Variants in RUNX1 observed in about 807,000 individuals in gnomAD.
RUNX1 encodes the protein RUNX family transcription factor 1, also known as runt-related transcription factor 1.
RUNX1 carries 19 observed loss-of-function variants against 42.8 expected under a neutral mutation model. The ratio of observed to expected loss-of-function variants is 0.44; its 90% CI spans 0.31 to 0.65. The LOEUF is 0.65. RUNX1 is among the 30% of genes least tolerant of loss of function. The pLI, the probability that RUNX1 is intolerant of heterozygous loss-of-function variation, is 0.07. For synonymous variants in RUNX1, 271 were observed against 289.4 expected, an observed-to-expected ratio of 0.94 and a Z score of 0.64; for missense variants, 528 against 672.0, an observed-to-expected ratio of 0.79 and a Z score of 2.37.
rs758151076 is a variant in RUNX1, at chr21:34,907,360, T to C, written c.59-14397A>G. ...ATAGATTGGTTGTTAATAATAATAA[T>C]AACAAAAGCAAGGTAAGAAGAAGAA... On this transcript the variant is annotated intron_variant, in intron 2 of 8. Coordinates refer to ENST00000675419, the MANE Select transcript of RUNX1 (RefSeq NM_001754.5). The surrounding 1 kb of genome is among the most constrained non-coding windows in gnomAD (Gnocchi z 5.3). 3.9e-5 allele frequency among the ~76,000 whole-genome samples: 6 copies of C among 152,058 alleles called. No homozygotes were observed. Among genetic ancestry groups the C allele is most frequent in the Admixed American group, 6.5e-5 (1 of 15,272 alleles).
intron 7 of RUNX1, among the ~76,000 whole-genome samples, chr21:34,818,855 C>G (rs541635432): frequency 2.0e-5 from 3 of 152,230 alleles, no homozygotes; most frequent in Non-Finnish European, 4.4e-5. Flanking sequence ...CAGAGGCACA[C>G]GGGTGTTTGT....
intron 5 of RUNX1, among the ~76,000 whole-genome samples, chr21:34,871,329 T>G (rs2057734279): frequency 6.6e-6 from 1 of 151,426 alleles, no homozygotes; most frequent in Admixed American, 6.6e-5. Context: ...ACAGATTACA[T>G]GACACACAAG....
intron 2 of RUNX1, among the ~76,000 whole-genome samples, chr21:35,041,196 G>A (rs2059356745): frequency 1.3e-5 from 2 of 152,228 alleles, no homozygotes; most frequent in African/African-American, 4.8e-5. Context: ...TTGGATGTTG[G>A]CAAAGAAAGC....
intron 2 of RUNX1, among the ~76,000 whole-genome samples, chr21:34,910,524 T>C (rs73373771): frequency 0.088 from 13,370 of 152,228 alleles, 1,057 homozygotes; most frequent in African/African-American, 0.22. Flanking sequence ...TTGTCCTCTC[T>C]GTCACCAGCC....
rs1405091659 is a variant in RUNX1, at chr21:34,789,702, G to C, written c.*2433C>G. ...AAACAATTAAATACTATATATGCTGGTAAGAGTCTGTGAAACTCTAAATGA... is the reference window on the plus strand; with the variant it reads ...AAACAATTAAATACTATATATGCTGCTAAGAGTCTGTGAAACTCTAAATGA... On this transcript the variant is annotated 3_prime_UTR_variant, in exon 9 of 9. Transcript: ENST00000675419. The C allele has an allele frequency of 4.3e-6, 1 of 232,988 alleles. No homozygotes were observed. Among genetic ancestry groups the C allele is most frequent in the East Asian group, 6.0e-5 (1 of 16,584 alleles). 14.4% of individuals were successfully genotyped at this position (232,988 alleles called of 1,614,324 possible). A position where few individuals can be genotyped will look rare whatever the true frequency, so the allele number is the denominator to read the frequency against.
chr21:34,947,532 A>G (rs2058572777), intron 2 of RUNX1, among the ~76,000 whole-genome samples: 1 of 152,172 alleles, frequency 6.6e-6, no homozygotes, highest in Non-Finnish European at 1.5e-5. Context: ...AGAAATCCTT[A>G]TCATTATAAG....
At chr21:34,822,321 T>G (rs1481655190) in intron 7 of RUNX1, among the ~76,000 whole-genome samples, 1 of 152,208 alleles carries the variant, frequency 6.6e-6, no homozygotes, top group Non-Finnish European at 1.5e-5. Context: ...GTGGTGGGGA[T>G]TCAATGAACC....
At chr21:34,828,375 T>C (rs185950130) in intron 7 of RUNX1, among the ~76,000 whole-genome samples, 35 of 152,384 alleles carry the variant, frequency 2.3e-4, no homozygotes, top group African/African-American at 8.4e-4. Flanking sequence ...TATAGTAGAC[T>C]TGTTTTTGAT....
intron 2 of RUNX1, among the ~76,000 whole-genome samples, chr21:35,016,114 T>C (rs1433793198): frequency 6.6e-6 from 1 of 152,194 alleles, no homozygotes; most frequent in Non-Finnish European, 1.5e-5. Flanking sequence ...AGAGACCAAA[T>C]GGGGATGCTG....
intron 2 of RUNX1, among the ~76,000 whole-genome samples, chr21:35,016,162 T>C (rs2059157709): frequency 6.6e-6 from 1 of 152,224 alleles, no homozygotes. Flanking sequence ...CAGTTTTGCC[T>C]AAGACAGGCC....
chr21:34,896,736 G>A (rs918032714), intron 2 of RUNX1, among the ~76,000 whole-genome samples: 1 of 151,990 alleles, frequency 6.6e-6, no homozygotes, highest in Non-Finnish European at 1.5e-5. Flanking sequence ...GGAAAACCAT[G>A]GCCCAAAGGC....
chr21:34,951,966 T>C (rs1053745482), intron 2 of RUNX1, among the ~76,000 whole-genome samples: 2 of 152,126 alleles, frequency 1.3e-5, no homozygotes, highest in Admixed American at 6.5e-5. Flanking sequence ...AGCAAAGACT[T>C]GGAACCAACC....
At chr21:34,797,334 G>T (rs2056543904) in intron 8 of RUNX1, among the ~76,000 whole-genome samples, 1 of 152,216 alleles carries the variant, frequency 6.6e-6, no homozygotes, top group South Asian at 2.1e-4. Flanking sequence ...ATTCACAAAT[G>T]TAACTGTGAT....
At chr21:34,918,038 T>C (rs1171782074) in intron 2 of RUNX1, among the ~76,000 whole-genome samples, 1 of 146,076 alleles carries the variant, frequency 6.8e-6, no homozygotes, top group African/African-American at 2.5e-5. Context: ...CTAAGGCAGA[T>C]AATTGATTGA....
intron 2 of RUNX1, among the ~76,000 whole-genome samples, chr21:34,978,182 C>A (rs2146777453): frequency 6.6e-6 from 1 of 152,300 alleles, no homozygotes; most frequent in Non-Finnish European, 1.5e-5. Flanking sequence ...TCATGATCCG[C>A]CCGCCTCGGC....
intron 7 of RUNX1, among the ~76,000 whole-genome samples, chr21:34,799,938 C>T (rs1402994892): frequency 2.0e-5 from 3 of 152,030 alleles, no homozygotes; most frequent in Middle Eastern, 3.4e-3. Flanking sequence ...ATACCTTTAC[C>T]TTTGGCAAAA....
At chr21:34,923,577 G>A (rs2058370666) in intron 2 of RUNX1, among the ~76,000 whole-genome samples, 1 of 152,180 alleles carries the variant, frequency 6.6e-6, no homozygotes. Context: ...AGTTTATAAA[G>A]TCTAGGCATT....
At chr21:34,873,266 T>C (rs2057766095) in intron 5 of RUNX1, among the ~76,000 whole-genome samples, 1 of 152,190 alleles carries the variant, frequency 6.6e-6, no homozygotes, top group Admixed American at 6.5e-5. Flanking sequence ...CATATTCCTG[T>C]GATTTACCTT....
chr21:34,821,414 T>G (rs1467940659), intron 7 of RUNX1: 2 of 1,331,086 alleles, frequency 1.5e-6, no homozygotes, highest in African/African-American at 2.9e-5. Context: ...CCATGTGCTG[T>G]GCATCAAGTG....
Sources: gnomAD v4.1 joint callset for allele counts (sites outside exome capture counted in the v4.1 genomes callset) on GRCh38, gnomAD v4.1.1 for gene constraint, Gnocchi (gnomAD v3.1) non-coding constraint, MANE v1.5 for transcripts, NCBI Gene and HGNC (gene_info 2026-07-23, HGNC 2026-07-21) for gene names.